Variants in CYP19A1 observed in about 807,000 individuals in gnomAD.
The protein encoded by CYP19A1 is aromatase.
In CYP19A1, 32 loss-of-function variants were observed where a neutral mutation model predicts 44.4. The ratio of observed to expected loss-of-function variants is 0.72; its 90% CI spans 0.54 to 0.97. The LOEUF is 0.97. CYP19A1 is among the 50% of genes least tolerant of loss of function. CYP19A1 has a pLI of 0.00. For synonymous variants in CYP19A1, 212 were observed against 215.6 expected (o/e 0.98, Z 0.14); for missense variants, 598 against 637.8 (o/e 0.94, Z 0.67).
chr15:51,319,292 C>A (rs1468220008), intron 1 of CYP19A1, among the ~76,000 whole-genome samples: 1 of 152,212 alleles, frequency 6.6e-6, no homozygotes, highest in Non-Finnish European at 1.5e-5. Flanking sequence ...ATGGAATATT[C>A]ATCTATTTCC....
At chr15:51,312,123 G>T (rs1401739290) in intron 1 of CYP19A1, 2 of 152,216 alleles carry the variant, frequency 1.3e-5, no homozygotes, top group East Asian at 3.8e-4. Flanking sequence ...ATGGAAGTCA[G>T]CTTTCCCAGC....
intron 1 of CYP19A1, among the ~76,000 whole-genome samples, chr15:51,287,947 T>A (rs2035746736): frequency 6.6e-6 from 1 of 152,222 alleles, no homozygotes; most frequent in African/African-American, 2.4e-5. Context: ...AGAGTATTAC[T>A]GGAGTAAAAT....
At position 51,210,862 on chromosome 15, in the gene CYP19A1, GT is replaced by G; in HGVS notation, c.1457del (p.Asn486ThrfsTer5). Reference protein sequence around the residue: ...DLSLHPDETKNMLEMIFTPRN... With the variant: ...DLSLHPDETKXMLEMIFTPRN... ...TTGGGGTAAAGATCATTTCCAGCAT[GT>G]TTTTAGTCTCATCTGGGTGCAAGGA... On this transcript the variant is annotated frameshift_variant, in exon 10 of 10. Coordinates refer to ENST00000396402, the MANE Select transcript of CYP19A1 (RefSeq NM_000103.4). LOFTEE classifies it high-confidence loss of function. 2 of 1,592,690 alleles carry G rather than the reference GT, an allele frequency of 1.3e-6. No individual in the cohort carries two copies. The highest frequency in any genetic ancestry group is 1.7e-6 in the Non-Finnish European group (2 of 1,160,494).
chr15:51,236,306 A>T (rs552381332), intron 3 of CYP19A1, among the ~76,000 whole-genome samples: 1 of 152,204 alleles, frequency 6.6e-6, no homozygotes, highest in South Asian at 2.1e-4. Context: ...GCTCTTTTAG[A>T]GGTGCTCAGT....
At position 51,305,546 on chromosome 15, in the gene CYP19A1, A is replaced by G. The variant is rs189958533; in HGVS notation, c.-39+32949T>C. Among the ~76,000 whole-genome samples, 233 of 151,898 alleles carry G rather than the reference A, an allele frequency of 1.5e-3. 2 individuals carry two copies. The highest frequency in any genetic ancestry group is 1.9e-3 in the Non-Finnish European group (128 of 67,956). The stretch of plus-strand genomic sequence containing the variant: ...GAGCCAGCTGGTACCATGAGATAAT[A>G]AATTTGTGTGTGTGTTTTCGTTTGT... On this transcript the variant is annotated intron_variant, in intron 1 of 9. Transcript: ENST00000396402.
intron 1 of CYP19A1, among the ~76,000 whole-genome samples, chr15:51,309,185 C>G (rs564376861): frequency 1.3e-5 from 2 of 152,164 alleles, no homozygotes; most frequent in Non-Finnish European, 2.9e-5. Context: ...ATTGGTGCCT[C>G]TGTAAGAAGA....
intron 1 of CYP19A1, among the ~76,000 whole-genome samples, chr15:51,245,872 C>T (rs1306785754): frequency 6.6e-6 from 1 of 152,202 alleles, no homozygotes; most frequent in Non-Finnish European, 1.5e-5. Context: ...CCCTAGGGCA[C>T]CCAGCTCATA....
chr15:51,334,319 TCCTGAGC>T (rs1225896795), intron 1 of CYP19A1, among the ~76,000 whole-genome samples: 5 of 152,202 alleles, frequency 3.3e-5, no homozygotes, highest in Admixed American at 2.0e-4. Flanking sequence ...CACTTAAACC[TCCTGAGC>T]CCTGACTTCC....
chr15:51,271,393 A>G (rs547996556), intron 1 of CYP19A1, among the ~76,000 whole-genome samples: 2 of 152,300 alleles, frequency 1.3e-5, no homozygotes, highest in East Asian at 1.9e-4. Flanking sequence ...TAGCATCCAA[A>G]TGATGTTTTC....
intron 1 of CYP19A1, among the ~76,000 whole-genome samples, chr15:51,332,338 A>G (rs1175134216): frequency 1.3e-5 from 2 of 152,100 alleles, no homozygotes; most frequent in Admixed American, 1.3e-4. Context: ...GGCCTTTAGG[A>G]CGCTTTCACT....
intron 1 of CYP19A1, among the ~76,000 whole-genome samples, chr15:51,276,239 T>C (rs1362169131): frequency 6.6e-6 from 1 of 152,194 alleles, no homozygotes; most frequent in African/African-American, 2.4e-5. Context: ...CTATCTCACA[T>C]CTTGCAGGAG....
intron 1 of CYP19A1, among the ~76,000 whole-genome samples, chr15:51,305,829 G>A (rs1008143803): frequency 7.1e-6 from 1 of 141,700 alleles, no homozygotes; most frequent in African/African-American, 2.9e-5. Context: ...CCAAAGTGTT[G>A]GGGTTACAAG....
intron 2 of CYP19A1, among the ~76,000 whole-genome samples, chr15:51,241,137 G>C (rs2033738442): frequency 6.6e-6 from 1 of 152,214 alleles, no homozygotes; most frequent in South Asian, 2.1e-4. Context: ...AGAAATGGTG[G>C]ACAGAGTGAG....
At chr15:51,218,035 G>A (rs967211114) in intron 6 of CYP19A1, among the ~76,000 whole-genome samples, 8 of 152,026 alleles carry the variant, frequency 5.3e-5, no homozygotes, top group African/African-American at 1.9e-4. Flanking sequence ...CAAAACACAA[G>A]ATACATAATT....
chr15:51,236,805 A>G, intron 3 of CYP19A1, 54 bp downstream of exon 3: 1 of 1,609,554 alleles, frequency 6.2e-7, no homozygotes, highest in Non-Finnish European at 8.5e-7. Context: ...TCTTAAGTGG[A>G]AAAAACTCCA....
chr15:51,239,942 G>T (rs537821386), intron 2 of CYP19A1, among the ~76,000 whole-genome samples: 391 of 152,304 alleles, frequency 2.6e-3, no homozygotes, highest in Non-Finnish European at 4.5e-3. Flanking sequence ...TAGAGCTGGG[G>T]ATGGCTATAC....
intron 1 of CYP19A1, among the ~76,000 whole-genome samples, chr15:51,294,638 T>C (rs1471112559): frequency 1.7e-5 from 2 of 116,240 alleles, no homozygotes; most frequent in South Asian, 2.9e-4. Context: ...GGTGGGGGGG[T>C]CAGCCCCCCG....
intron 1 of CYP19A1, among the ~76,000 whole-genome samples, chr15:51,281,764 T>C (rs1482165758): frequency 6.6e-6 from 1 of 151,348 alleles, no homozygotes; most frequent in Non-Finnish European, 1.5e-5. Flanking sequence ...TGGCTAAGGC[T>C]CAGAAGAAAT....
At chr15:51,255,912 T>C (rs547722867) in intron 1 of CYP19A1, among the ~76,000 whole-genome samples, 1 of 152,360 alleles carries the variant, frequency 6.6e-6, no homozygotes, top group South Asian at 2.1e-4. Context: ...TCTCACACTG[T>C]GGGAACTATC....
Sources: gnomAD v4.1 joint callset for allele counts (sites outside exome capture counted in the v4.1 genomes callset) on GRCh38, gnomAD v4.1.1 for gene constraint, MANE v1.5 for transcripts, NCBI Gene and HGNC (gene_info 2026-07-23, HGNC 2026-07-21) for gene names.